The following SPATA22 variants were observed in gnomAD, a reference collection of about 807,000 sequenced individuals.
SPATA22 encodes the protein spermatogenesis-associated protein 22.
Under a neutral mutation model 47.8 loss-of-function variants are expected in SPATA22, and 29 were observed. The observed-to-expected ratio is 0.61, with a 90% CI of 0.45 to 0.83. The LOEUF is 0.83. Ranked by LOEUF, SPATA22 falls within the 40% of genes least tolerant of loss-of-function variation. The pLI is 0.00. For synonymous variants in SPATA22, 133 were observed against 140.9 expected, an observed-to-expected ratio of 0.94 and a Z score of 0.40; for missense variants, 410 against 421.7, an observed-to-expected ratio of 0.97 and a Z score of 0.24.
At position 3,483,687 on chromosome 17, in the gene SPATA22, G is replaced by C; in HGVS notation, c.-73-14289C>G. The C allele has an allele frequency of 3.2e-6, 4 of 1,258,564 alleles. No individual in the cohort carries two copies. The South Asian group carries it at 4.9e-5, about 16-fold the overall frequency. The allele number at this position is 1,258,564 out of a possible 1,614,324, so 78.0% of individuals were successfully genotyped here. On this transcript the variant is annotated intron_variant, in intron 1 of 8. Transcript: ENST00000541913. The stretch of plus-strand genomic sequence containing the variant: ...TTTATCTTATTTTATTTTTGAGACA[G>C]AGTCTTGCTCTGTCACCCAGGCTGG...
At chr17:3,497,449 A>G (rs2073928481) in intron 1 of SPATA22, among the ~76,000 whole-genome samples, 1 of 152,222 alleles carries the variant, frequency 6.6e-6, no homozygotes, top group Admixed American at 6.5e-5. Flanking sequence ...TGCGGGTTAT[A>G]TGACTCCATG....
chr17:3,474,245 A>G (rs1490741167), upstream of SPATA22: 2 of 152,224 alleles, frequency 1.3e-5, no homozygotes, highest in Non-Finnish European at 2.9e-5. Flanking sequence ...ATGTAAGAGA[A>G]ACTTTATTTA....
At chr17:3,489,345 A>T (rs756669857) in intron 1 of SPATA22, 4 of 1,585,388 alleles carry the variant, frequency 2.5e-6, no homozygotes, top group South Asian at 1.1e-5. Context: ...CAATGAAGGT[A>T]AGTAATAATG....
rs1450099536 is a variant in SPATA22, at chr17:3,449,005, T to C, written c.474A>G (p.Leu158=). The part of the protein sequence containing the change: ...VSSGAQQQKQ[L]RIPEPPNLSR... ...ATAAGTTAGGAGGTTCAGGTATTCT[T>C]AATTGTTTTTGTTGTTGAGCTCCCG... is the stretch of plus-strand genomic sequence containing the variant. The change falls in exon 6 of 9, where the codon TTA becomes TTG. Residue 158 remains leucine, a synonymous_variant. Transcript: ENST00000572969. 1.2e-6 allele frequency: 2 copies of C among 1,613,924 alleles called. No individual in the cohort carries two copies. Among genetic ancestry groups the C allele is most frequent in the Non-Finnish European group, 1.7e-6 (2 of 1,179,996 alleles).
At chr17:3,446,693 C>T (rs1453639061) in intron 6 of SPATA22, 92 bp from the exon 7 acceptor site, 6 of 1,040,340 alleles carry the variant, frequency 5.8e-6, no homozygotes, top group Non-Finnish European at 8.1e-6. Flanking sequence ...TAAGTCCTTA[C>T]AATGGACAAG....
intron 5 of SPATA22, among the ~76,000 whole-genome samples, chr17:3,455,355 C>A (rs972223306): frequency 1.4e-4 from 21 of 151,752 alleles, no homozygotes; most frequent in Non-Finnish European, 2.7e-4. Flanking sequence ...GTGTTTTAGA[C>A]ATGAAGTCCT....
chr17:3,506,818 G>T (rs373193964), intron 1 of SPATA22, among the ~76,000 whole-genome samples: 1 of 152,198 alleles, frequency 6.6e-6, no homozygotes, highest in African/African-American at 2.4e-5. Flanking sequence ...GCGGGTGCCT[G>T]TAGTCCCAGC....
chr17:3,457,481 TCCTAA>T (rs2073023893), intron 5 of SPATA22, among the ~76,000 whole-genome samples: 1 of 150,602 alleles, frequency 6.6e-6, no homozygotes, highest in South Asian at 2.1e-4. Context: ...GAAAAAACAA[TCCTAA>T]AATTCATATG....
intron 1 of SPATA22, among the ~76,000 whole-genome samples, chr17:3,497,636 G>A (rs1025062157): frequency 6.6e-5 from 10 of 152,198 alleles, no homozygotes; most frequent in African/African-American, 2.2e-4. Context: ...CATCCCAAGC[G>A]ATCATAATGT....
At position 3,488,233 on chromosome 17, in the gene SPATA22, A is replaced by G. The variant is rs984670209; in HGVS notation, c.-73-18835T>C. On this transcript the variant is annotated intron_variant, in intron 1 of 8. Transcript: ENST00000541913. This position sits in a 1 kb window ranked among gnomAD's most constrained non-coding sequence, Gnocchi z 6.1. Reference sequence around the variant, plus strand: ...TTGAACAGGAAGGAAGGGTCTACAAAAGTAGTTTAAAGAAAGAGTATTTTG... The same window carrying G: ...TTGAACAGGAAGGAAGGGTCTACAAGAGTAGTTTAAAGAAAGAGTATTTTG... Among the ~76,000 whole-genome samples, 1 of 152,200 alleles carries G rather than the reference A, an allele frequency of 6.6e-6. No homozygotes were observed. Among genetic ancestry groups the G allele is most frequent in the African/African-American group, 2.4e-5 (1 of 41,450 alleles).
intron 1 of SPATA22, among the ~76,000 whole-genome samples, chr17:3,508,707 A>G (rs1276979373): frequency 7.5e-6 from 1 of 132,994 alleles, no homozygotes; most frequent in Non-Finnish European, 1.6e-5. Flanking sequence ...CAATGAGAAC[A>G]CATGGACACA....
chr17:3,498,840 T>C, intron 1 of SPATA22: 1 of 1,416,714 alleles, frequency 7.1e-7, no homozygotes, highest in African/African-American at 1.4e-5. Context: ...CATAAATTTT[T>C]AGAGGAGAAA....
Position 3,440,324 on chromosome 17 carries a change from C to G in SPATA22, c.915G>C (p.Pro305=), listed in dbSNP as rs141991199. The G allele has an allele frequency of 1.3e-6, 2 of 1,514,110 alleles. No individual in the cohort carries two copies. Among genetic ancestry groups the G allele is most frequent in the South Asian group, 2.6e-5 (2 of 76,174 alleles). 93.8% of individuals were successfully genotyped at this position (1,514,110 alleles called of 1,614,324 possible). A position where few individuals can be genotyped will look rare whatever the true frequency, so the allele number is the denominator to read the frequency against. Residue 305 remains proline, a synonymous_variant, in exon 9 of 9, where the codon CCG becomes CCC. Coordinates refer to ENST00000572969, the MANE Select transcript of SPATA22 (RefSeq NM_001170698.2). Reference sequence around the variant, plus strand: ...TATGAACTCGGCCTCTAATCAGTCTCGGAAGTTCACGATCCTGTTTTTCAA... The same window carrying G: ...TATGAACTCGGCCTCTAATCAGTCTGGGAAGTTCACGATCCTGTTTTTCAA... ...CVFYEIDREL[P]RLIRGRVHRC... is the part of the protein sequence containing the mutation.
intron 5 of SPATA22, among the ~76,000 whole-genome samples, chr17:3,451,886 G>T (rs2072869173): frequency 6.6e-6 from 1 of 151,358 alleles, no homozygotes; most frequent in Admixed American, 6.6e-5. Context: ...GGCGGAGATT[G>T]CAGTGAGCCG....
intron 1 of SPATA22, among the ~76,000 whole-genome samples, chr17:3,491,969 C>G (rs1343716827): frequency 7.0e-6 from 1 of 143,614 alleles, no homozygotes; most frequent in Non-Finnish European, 1.5e-5. Context: ...CCTCAAGTTC[C>G]TGGGCTCAAG....
At chr17:3,458,082 A>G (rs1296515949) in intron 5 of SPATA22, among the ~76,000 whole-genome samples, 1 of 152,234 alleles carries the variant, frequency 6.6e-6, no homozygotes, top group African/African-American at 2.4e-5. Flanking sequence ...GTAACTGTTA[A>G]GTAGTTAATA....
chr17:3,490,487 G>A lies in SPATA22; in HGVS notation c.-73-21089C>T, dbSNP rs189716288. On this transcript the variant is annotated intron_variant, in intron 1 of 8. Coordinates refer to the SPATA22 transcript ENST00000541913. This position sits in a 1 kb window ranked among gnomAD's most constrained non-coding sequence, Gnocchi z 4.6. ...GGAATGGGCAATTATAATAACAGAG[G>A]GGGTGTGTACTTCGGTGTCTGTGGG... Among the ~76,000 whole-genome samples, 3 of 152,142 alleles carry A rather than the reference G, an allele frequency of 2.0e-5. No individual in the cohort carries two copies. Among genetic ancestry groups the A allele is most frequent in the African/African-American group, 4.8e-5 (2 of 41,428 alleles).
rs145731380 is a variant in SPATA22, at chr17:3,485,934, C to CTTT, written c.-73-16539_-73-16537dup. 5.7e-3 allele frequency among the ~76,000 whole-genome samples: 816 copies of CTTT among 142,374 alleles called. 11 individuals are homozygous for CTTT. Among genetic ancestry groups the CTTT allele is most frequent in the African/African-American group, 0.017 (648 of 38,396 alleles). 93.4% of individuals were successfully genotyped at this position (142,374 alleles called of 152,430 possible). On this transcript the variant is annotated intron_variant, in intron 1 of 8. Transcript: ENST00000541913. The surrounding 1 kb of genome is among the most constrained non-coding windows in gnomAD (Gnocchi z 4.4). ...CAGTGGTTGCATTCTAGGAGGGAAC[C>CTTT]TTTTTTTTTTTTTTTGAGACGGAGT...
At chr17:3,462,870 G>T in intron 3 of SPATA22, 103 bp from the exon 4 acceptor site, 1 of 863,798 alleles carries the variant, frequency 1.2e-6, no homozygotes, top group Non-Finnish European at 1.9e-6. Context: ...ACTTGAAGAA[G>T]AAAAAACTTG....
Sources: allele counts gnomAD v4.1 joint callset (sites outside exome capture counted in the v4.1 genomes callset), GRCh38; gene constraint gnomAD v4.1.1; non-coding constraint Gnocchi (gnomAD v3.1); transcripts MANE v1.5; gene names NCBI Gene and HGNC (gene_info 2026-07-23, HGNC 2026-07-21).